Variants in KMT2A observed in about 807,000 individuals in gnomAD.
KMT2A encodes the protein lysine methyltransferase 2A.
A neutral mutation model predicts 345.3 loss-of-function variants in KMT2A; 16 were observed. That is an observed-to-expected ratio of 0.05 (90% CI 0.03 to 0.07). The LOEUF is 0.07. KMT2A is among the 10% of genes least tolerant of loss of function. The pLI is 1.00. For missense variants in KMT2A, 3,272 were observed against 4,841.6 expected, an observed-to-expected ratio of 0.68 and a Z score of 9.62; for synonymous variants, 1,599 against 1,778.6, an observed-to-expected ratio of 0.90 and a Z score of 2.54.
chr11:118,507,832 G>C (rs1446697227), intron 28 of KMT2A: 2 of 430,048 alleles, frequency 4.7e-6, no homozygotes, highest in Non-Finnish European at 8.7e-6. Flanking sequence ...GCGTGATGGC[G>C]GGCGCCTGTA....
In KMT2A at chr11:118,504,696, C is replaced by T; in HGVS notation, c.8804C>T (p.Ser2935Phe). Reference sequence around the variant, plus strand: ...CCTCTAGAGCTACCATCTGATCTGTCTGTCTTGACCACCCGGAGTCCCACT... The same window carrying T: ...CCTCTAGAGCTACCATCTGATCTGTTTGTCTTGACCACCCGGAGTCCCACT... Reference protein sequence around the residue: ...ELPLELPSDLSVLTTRSPTVP... With the variant: ...ELPLELPSDLFVLTTRSPTVP... Residue 2935 changes from serine to phenylalanine, a missense_variant, in exon 27 of 36, where the codon TCT becomes TTT. Coordinates refer to ENST00000534358, the MANE Select transcript of KMT2A (RefSeq NM_001197104.2). The surrounding 1 kb of genome is among the most constrained non-coding windows in gnomAD (Gnocchi z 6.4). 1 of 1,614,172 alleles carries T rather than the reference C, an allele frequency of 6.2e-7. No homozygotes were observed. Among genetic ancestry groups the T allele is most frequent in the Non-Finnish European group, 8.5e-7 (1 of 1,180,026 alleles).
Position 118,506,191 on chromosome 11 carries a change from C to G in KMT2A, c.10299C>G (p.Pro3433=). 6.2e-7 allele frequency: 1 copy of G among 1,614,132 alleles called. No homozygotes were observed. Among genetic ancestry groups the G allele is most frequent in the Non-Finnish European group, 8.5e-7 (1 of 1,180,012 alleles). ...ITAASSICVL[P]STQTTGITAA... is the part of the protein sequence containing the mutation. ...CGGCATCTAGCATCTGTGTGCTCCC[C>G]TCCACTCAGACTACGGGCATAACAG... The change falls in exon 27 of 36, where the codon CCC becomes CCG. Residue 3433 remains proline (P), a synonymous_variant. Transcript: ENST00000534358.
chr11:118,483,950 C>T (rs775733457), intron 8 of KMT2A, among the ~76,000 whole-genome samples: 1 of 152,048 alleles, frequency 6.6e-6, no homozygotes, highest in Non-Finnish European at 1.5e-5. Flanking sequence ...AGGAGGATCA[C>T]GAGCCCACAA....
Position 118,497,807 on chromosome 11 carries a change from G to C in KMT2A, c.5665-129G>C. On this transcript the variant is annotated intron_variant, in intron 20 of 35. Coordinates refer to ENST00000534358, the MANE Select transcript of KMT2A (RefSeq NM_001197104.2). This position sits in a 1 kb window ranked among gnomAD's most constrained non-coding sequence, Gnocchi z 4.8. ...CGTTGCAAAAAGAATTCTGATTTCTGTGTGCCTCCCTCCATTAAAGAATTA... is the reference window on the plus strand; with the variant it reads ...CGTTGCAAAAAGAATTCTGATTTCTCTGTGCCTCCCTCCATTAAAGAATTA... 1.5e-6 allele frequency: 1 copy of C among 658,530 alleles called. No homozygotes were observed. Among genetic ancestry groups the C allele is most frequent in the South Asian group, 2.1e-5 (1 of 48,646 alleles). 40.8% of individuals were successfully genotyped at this position (658,530 alleles called of 1,614,324 possible).
chr11:118,501,573 C>G, intron 25 of KMT2A, 99 bp from the exon 26 acceptor site: 1 of 988,296 alleles, frequency 1.0e-6, no homozygotes, highest in African/African-American at 1.6e-5. Context: ...TCATTTGCTT[C>G]TAGTTTTACA....
intron 8 of KMT2A, among the ~76,000 whole-genome samples, chr11:118,483,391 G>A (rs1227857368): frequency 1.3e-5 from 2 of 151,950 alleles, no homozygotes; most frequent in South Asian, 4.2e-4. Flanking sequence ...AAATTAGCCC[G>A]GCGAGGTGGC....
At chr11:118,442,489 A>G (rs573709036) in intron 1 of KMT2A, among the ~76,000 whole-genome samples, 2 of 152,208 alleles carry the variant, frequency 1.3e-5, no homozygotes, top group Admixed American at 1.3e-4. Context: ...ATGAAACTTG[A>G]TGAGTAAAAT....
In KMT2A at chr11:118,505,288, C is replaced by T. The variant is rs2134405045; in HGVS notation, c.9396C>T (p.Leu3132=). The change falls in exon 27 of 36, where the codon CTC becomes CTT. Residue 3132 remains leucine, a synonymous_variant. Transcript: ENST00000534358. The surrounding 1 kb of genome is among the most constrained non-coding windows in gnomAD (Gnocchi z 4.6). ...TSVLGPMGGG[L]TLTTGLNPSL... is the part of the protein sequence containing the mutation. Reference sequence around the variant, plus strand: ...TATTGGGACCCATGGGAGGTGGTCTCACCCTTACCACAGGACTAAATCCAA... The same window carrying T: ...TATTGGGACCCATGGGAGGTGGTCTTACCCTTACCACAGGACTAAATCCAA... 1.2e-6 allele frequency: 2 copies of T among 1,614,222 alleles called. No individual in the cohort carries two copies. The highest frequency in any genetic ancestry group is 1.7e-6 in the Non-Finnish European group (2 of 1,180,032).
rs1950070729 is a variant in KMT2A, at chr11:118,478,110, G to A, written c.3478G>A (p.Gly1160Ser). Reference sequence around the variant, plus strand: ...ATCGAGGCGGTGTGGGCAGTGTCCCGGCTGCCAGGTGCCTGAGGACTGTGG... The same window carrying A: ...ATCGAGGCGGTGTGGGCAGTGTCCCAGCTGCCAGGTGCCTGAGGACTGTGG... ...RRSRRCGQCP[G>S]CQVPEDCGVC... The change falls in exon 5 of 36, where the codon GGC becomes AGC. Residue 1160 changes from glycine (G) to serine (S), a missense_variant. Physicochemically the swap from Gly to Ser is moderately conservative, Grantham distance 56. Around this residue, in one of 27 missense-constraint regions of KMT2A, gnomAD observed 26 missense variants for 90.5 expected, o/e 0.29. Transcript: ENST00000534358. 6 of 1,614,130 alleles carry A rather than the reference G, an allele frequency of 3.7e-6. No homozygotes were observed. The highest frequency in any genetic ancestry group is 4.2e-6 in the Non-Finnish European group (5 of 1,180,020).
chr11:118,509,949 A>T lies in KMT2A; in HGVS notation c.10902A>T (p.Glu3634Asp), dbSNP rs113003878. The T allele has an allele frequency of 1.9e-6, 3 of 1,607,110 alleles. No individual in the cohort carries two copies. ...QNPANEQESA[E>D]PKTVEEEESN... ...CACTATCTATTTTCTCCCTATTAGA[A>T]CCTAAAACAGTGGAAGAAGAGGAAA... is the stretch of plus-strand genomic sequence containing the variant. Residue 3634 changes from glutamate (E) to aspartate (D), a missense_variant and splice_region_variant, in exon 30 of 36, where the codon GAA becomes GAT. This residue lies in a region of KMT2A where 748 missense variants were observed against 922.2 expected (regional missense o/e 0.81). Coordinates refer to ENST00000534358, the MANE Select transcript of KMT2A (RefSeq NM_001197104.2).
In KMT2A at chr11:118,520,164, A is replaced by G. The variant is rs781897852; in HGVS notation, c.11429+100A>G. Reference sequence around the variant, plus strand: ...ATTTGTTTGCATCAGAATTTCCTGGATAAGATTTAAAAGGACTGAAAACCA... The same window carrying G: ...ATTTGTTTGCATCAGAATTTCCTGGGTAAGATTTAAAAGGACTGAAAACCA... On this transcript the variant is annotated intron_variant, in intron 33 of 35. Transcript: ENST00000534358. The surrounding 1 kb of genome is among the most constrained non-coding windows in gnomAD (Gnocchi z 4.3). The G allele has an allele frequency of 3.7e-5, 29 of 790,596 alleles. No homozygotes were observed. The highest frequency in any genetic ancestry group is 4.9e-5 in the Non-Finnish European group (24 of 485,482). The allele number at this position is 790,596 out of a possible 1,614,324, so 49.0% of individuals were successfully genotyped here. A position where few individuals can be genotyped will look rare whatever the true frequency, so the allele number is the denominator to read the frequency against.
At position 118,472,395 on chromosome 11, in the gene KMT2A, T is replaced by C; in HGVS notation, c.1236T>C (p.Pro412=). ...AAAATATTCGACAGTTCATCATGCC[T>C]GTTGTCAGTGCTATCTCCTCGCGGA... ...QVKNIRQFIM[P]VVSAISSRII... Residue 412 remains proline, a synonymous_variant, in exon 3 of 36, where the codon CCT becomes CCC. Coordinates refer to ENST00000534358, the MANE Select transcript of KMT2A (RefSeq NM_001197104.2). 2 of 1,614,056 alleles carry C rather than the reference T, an allele frequency of 1.2e-6. No homozygotes were observed. The highest frequency in any genetic ancestry group is 1.7e-6 in the Non-Finnish European group (2 of 1,179,996).
At chr11:118,489,237 A>T (rs1950285526) in intron 11 of KMT2A, among the ~76,000 whole-genome samples, 1 of 150,600 alleles carries the variant, frequency 6.6e-6, no homozygotes, top group Admixed American at 6.7e-5. Context: ...ATCTCAAAAA[A>T]AAAAAAAAAA....
intron 1 of KMT2A, chr11:118,448,423 G>T (rs1555027792): frequency 6.6e-6 from 1 of 152,154 alleles, no homozygotes; most frequent in Non-Finnish European, 1.5e-5. Flanking sequence ...TTTTGAGGCT[G>T]TGTAGAGGGC....
At chr11:118,507,763 C>A in intron 28 of KMT2A, 154 bp downstream of exon 28, 1 of 601,598 alleles carries the variant, frequency 1.7e-6, no homozygotes, top group Non-Finnish European at 3.0e-6. Flanking sequence ...AGATCGAGAC[C>A]ATCCTGGCTA....
rs543797601 is a variant in KMT2A, at chr11:118,502,341, C to T, written c.6506-57C>T. The T allele has an allele frequency of 3.4e-6, 4 of 1,185,364 alleles. No homozygotes were observed. In the East Asian group the frequency reaches 9.4e-5, roughly 28 times the overall value. The allele number at this position is 1,185,364 out of a possible 1,614,324, so 73.4% of individuals were successfully genotyped here. ...ATAGTCAAATCATTGAAACCAGTGA[C>T]TTCTACACATTTGTTCTATCTACAA... On this transcript the variant is annotated intron_variant, in intron 26 of 35. Transcript: ENST00000534358. The surrounding 1 kb of genome is among the most constrained non-coding windows in gnomAD (Gnocchi z 4.9).
chr11:118,442,311 T>C (rs1355373895), intron 1 of KMT2A, among the ~76,000 whole-genome samples: 3 of 152,204 alleles, frequency 2.0e-5, no homozygotes, highest in African/African-American at 7.2e-5. Context: ...CTTCCTTTGT[T>C]TGCATATGTT....
chr11:118,488,522 C>G, intron 10 of KMT2A, 92 bp from the exon 11 acceptor site: 1 of 1,419,514 alleles, frequency 7.0e-7, no homozygotes, highest in Non-Finnish European at 9.9e-7. Context: ...CAGTGGACTA[C>G]TAAAACCCAA....
At chr11:118,488,242 C>T (rs561725360) in intron 10 of KMT2A, among the ~76,000 whole-genome samples, 3 of 152,182 alleles carry the variant, frequency 2.0e-5, no homozygotes, top group East Asian at 3.9e-4. Context: ...AAAGGACAAA[C>T]CAGACCTTAC....
Sources: allele counts gnomAD v4.1 joint callset (sites outside exome capture counted in the v4.1 genomes callset), GRCh38; gene constraint gnomAD v4.1.1; regional missense constraint gnomAD v4.1.1; non-coding constraint Gnocchi (gnomAD v3.1); transcripts MANE v1.5; gene names NCBI Gene and HGNC (gene_info 2026-07-23, HGNC 2026-07-21).